The following LARP4B variants were observed in gnomAD, a reference collection of about 807,000 sequenced individuals.
LARP4B encodes the protein La ribonucleoprotein 4B.
A neutral mutation model predicts 89.8 loss-of-function variants in LARP4B; 12 were observed. That is an observed-to-expected ratio of 0.13 (90% CI 0.09 to 0.22). The LOEUF is 0.22. LARP4B is among the 10% of genes least tolerant of loss of function. The probability of loss-of-function intolerance (pLI) is 1.00; values close to 1 mark genes in which losing one functional copy is unlikely to be tolerated. For missense variants in LARP4B, 757 were observed against 947.7 expected (o/e 0.80, Z 2.64); for synonymous variants, 367 against 363.3 (o/e 1.01, Z -0.12).
intron 1 of LARP4B, among the ~76,000 whole-genome samples, chr10:900,373 T>C (rs1204963254): frequency 8.0e-6 from 1 of 125,618 alleles, no homozygotes; most frequent in African/African-American, 2.9e-5. Flanking sequence ...AAAATGATAA[T>C]AATAAAAAGC....
the LARP4B span, among the ~76,000 whole-genome samples, chr10:984,924 C>G: frequency 1.3e-5 from 2 of 152,050 alleles, no homozygotes; most frequent in African/African-American, 4.8e-5. Flanking sequence ...AGAGTGAGAC[C>G]CTGTCTCATA....
At chr10:974,866 C>A in the LARP4B span, among the ~76,000 whole-genome samples, 4 of 152,248 alleles carry the variant, frequency 2.6e-5, no homozygotes, top group East Asian at 1.9e-4. Flanking sequence ...GTTGCACAGA[C>A]GCTCAAGCCT....
intron 1 of LARP4B, among the ~76,000 whole-genome samples, chr10:904,466 C>A (rs1204720050): frequency 6.7e-6 from 1 of 150,230 alleles, no homozygotes; most frequent in East Asian, 2.0e-4. Context: ...AATTAAGAGG[C>A]TCACTTGAGC....
the LARP4B span, among the ~76,000 whole-genome samples, chr10:975,030 C>G: frequency 2.6e-5 from 4 of 152,370 alleles, no homozygotes; most frequent in East Asian, 7.7e-4. Context: ...CAGGCCCTGC[C>G]TGGCTCCTTG....
At chr10:829,828 T>C in intron 9 of LARP4B, 94 bp from the exon 10 acceptor site, 3 of 834,462 alleles carry the variant, frequency 3.6e-6, no homozygotes, top group Non-Finnish European at 6.1e-6. Context: ...GGGAAATATA[T>C]AATTAAATTA....
chr10:987,751 C>G, the LARP4B span: 2 of 152,288 alleles, frequency 1.3e-5, no homozygotes, highest in African/African-American at 4.8e-5. Context: ...CTCAGTTGGA[C>G]CCCACAGGAC....
chr10:876,500 T>C (rs928734123), intron 3 of LARP4B, among the ~76,000 whole-genome samples: 1 of 152,228 alleles, frequency 6.6e-6, no homozygotes, highest in Admixed American at 6.5e-5. Flanking sequence ...ATTAAGCCTC[T>C]CTGGAGAATC....
At chr10:977,559 AAGAG>A in the LARP4B span, among the ~76,000 whole-genome samples, 109 of 151,618 alleles carry the variant, frequency 7.2e-4, no homozygotes, top group East Asian at 7.5e-3. Context: ...AAAAAAAAAA[AAGAG>A]AGAGAGAGAG....
At chr10:860,074 C>T (rs1417747930) in intron 5 of LARP4B, among the ~76,000 whole-genome samples, 3 of 128,734 alleles carry the variant, frequency 2.3e-5, no homozygotes, top group Non-Finnish European at 4.7e-5. Context: ...TATACAAAGG[C>T]ACCCTCTGGT....
At chr10:816,244 CTAAT>C (rs1266642872) in intron 15 of LARP4B, among the ~76,000 whole-genome samples, 1 of 152,180 alleles carries the variant, frequency 6.6e-6, no homozygotes, top group Non-Finnish European at 1.5e-5. Flanking sequence ...AACAAATTAA[CTAAT>C]TAATTCAGGA....
intron 1 of LARP4B, among the ~76,000 whole-genome samples, chr10:890,542 G>A (rs141373961): frequency 5.1e-4 from 77 of 152,066 alleles, no homozygotes; most frequent in African/African-American, 1.4e-3. Context: ...AAATGCTATC[G>A]GGACTCAAAA....
intron 1 of LARP4B, among the ~76,000 whole-genome samples, chr10:901,123 G>A (rs990062148): frequency 1.1e-5 from 1 of 92,252 alleles, no homozygotes; most frequent in African/African-American, 4.3e-5. Flanking sequence ...GTTTCACCAT[G>A]TTGGCCTGGT....
At position 892,516 on chromosome 10, in the gene LARP4B, A is replaced by T. The variant is rs543149268; in HGVS notation, c.-39-6756T>A. On this transcript the variant is annotated intron_variant, in intron 1 of 17. Transcript: ENST00000316157. ...AACAACTATATGTCAGGTTGGTGAC[A>T]TAATGATTTAGAGAAAAATTATCGT... 9.2e-5 allele frequency among the ~76,000 whole-genome samples: 14 copies of T among 152,348 alleles called. No individual in the cohort carries two copies. The South Asian group carries it at 2.5e-3, about 27-fold the overall frequency.
chr10:859,204 G>C (rs542657797), intron 5 of LARP4B, among the ~76,000 whole-genome samples: 2 of 151,910 alleles, frequency 1.3e-5, no homozygotes, highest in African/African-American at 2.4e-5. Flanking sequence ...GCTTGAACCC[G>C]GGAGGTGGAC....
At chr10:952,387 A>C in the LARP4B span, among the ~76,000 whole-genome samples, 1 of 148,492 alleles carries the variant, frequency 6.7e-6, no homozygotes, top group Non-Finnish European at 1.5e-5. Flanking sequence ...GCAGTCCAGA[A>C]CCAACTGCAT....
chr10:973,069 C>A, the LARP4B span: 1 of 364,162 alleles, frequency 2.7e-6, no homozygotes, highest in Non-Finnish European at 5.4e-6. Context: ...GCCCACTCAG[C>A]TGCTGACCCT....
At chr10:909,161 G>T (rs1362291611) in intron 1 of LARP4B, among the ~76,000 whole-genome samples, 2 of 151,610 alleles carry the variant, frequency 1.3e-5, no homozygotes, top group Admixed American at 6.6e-5. Context: ...GGGCATGGTG[G>T]TGGGCACTTG....
the LARP4B span, among the ~76,000 whole-genome samples, chr10:969,860 T>C: frequency 6.6e-6 from 1 of 152,210 alleles, no homozygotes; most frequent in Admixed American, 6.5e-5. Context: ...CACATGCAGC[T>C]GACGGGAGTT....
intron 1 of LARP4B, among the ~76,000 whole-genome samples, chr10:921,357 C>G (rs989175695): frequency 5.9e-5 from 9 of 152,012 alleles, no homozygotes; most frequent in African/African-American, 2.2e-4. Flanking sequence ...TTATCTAACA[C>G]AATTTGTGGC....
Sources: allele counts gnomAD v4.1 joint callset (sites outside exome capture counted in the v4.1 genomes callset), GRCh38; gene constraint gnomAD v4.1.1; transcripts MANE v1.5; gene names NCBI Gene and HGNC (gene_info 2026-07-23, HGNC 2026-07-21).